Variants in TCF19 observed in about 807,000 individuals in gnomAD.
The protein encoded by TCF19 is transcription factor SC1.
In TCF19, 9 loss-of-function variants were observed where a neutral mutation model predicts 18.3. The observed-to-expected ratio is 0.49, with a 90% CI of 0.30 to 0.86. The LOEUF is 0.86. Ranked by LOEUF, TCF19 falls within the 40% of genes least tolerant of loss-of-function variation. The probability of loss-of-function intolerance (pLI) is 0.07; values close to 1 mark genes in which losing one functional copy is unlikely to be tolerated. For synonymous variants in TCF19, 176 were observed against 185.3 expected, an observed-to-expected ratio of 0.95 and a Z score of 0.41; for missense variants, 376 against 464.3, an observed-to-expected ratio of 0.81 and a Z score of 1.75.
At position 31,162,154 on chromosome 6, in the gene TCF19, G is replaced by A. The variant is rs1776828366; in HGVS notation, c.797+149G>A. ...GCAAGACCTGGGTTAGCTCTGATAGGAAAAGAAAAATATGTGCAGGAGAAC... is the reference window on the plus strand; with the variant it reads ...GCAAGACCTGGGTTAGCTCTGATAGAAAAAGAAAAATATGTGCAGGAGAAC... On this transcript the variant is annotated intron_variant, in intron 3 of 3. Transcript: ENST00000376257. This position sits in a 1 kb window ranked among gnomAD's most constrained non-coding sequence, Gnocchi z 4.5. 20 of 959,160 alleles carry A rather than the reference G, an allele frequency of 2.1e-5. No homozygotes were observed. The highest frequency in any genetic ancestry group is 2.8e-5 in the Non-Finnish European group (19 of 668,714). 59.4% of individuals were successfully genotyped at this position (959,160 alleles called of 1,614,324 possible). A position where few individuals can be genotyped will look rare whatever the true frequency, so the allele number is the denominator to read the frequency against.
In TCF19 at chr6:31,163,210, T is replaced by C. The variant is rs554304388; in HGVS notation, c.*493T>C. The C allele has an allele frequency of 1.0e-6, 1 of 995,686 alleles. No individual in the cohort carries two copies. The highest frequency in any genetic ancestry group is 4.5e-5 in the South Asian group (1 of 22,174). 61.7% of individuals were successfully genotyped at this position (995,686 alleles called of 1,614,324 possible). A position where few individuals can be genotyped will look rare whatever the true frequency, so the allele number is the denominator to read the frequency against. ...TGGCTTTTCACAGCTTTGCTTTTAT[T>C]TCCAAGTCAAGGACAAGCCGCTTCA... On this transcript the variant is annotated 3_prime_UTR_variant, in exon 4 of 4. Coordinates refer to ENST00000376257, the MANE Select transcript of TCF19 (RefSeq NM_007109.3).
chr6:31,161,093 GCA>G (rs1776730861), intron 2 of TCF19, among the ~76,000 whole-genome samples: 1 of 111,312 alleles, frequency 9.0e-6, no homozygotes, highest in African/African-American at 3.4e-5. Context: ...GAGGCGGAGT[GCA>G]GTGAGCTGAG....
chr6:31,163,870 G>T lies in TCF19; in HGVS notation c.*1153G>T. 1 of 985,402 alleles carries T rather than the reference G, an allele frequency of 1.0e-6. No individual in the cohort carries two copies. Among genetic ancestry groups the T allele is most frequent in the Non-Finnish European group, 1.2e-6 (1 of 829,944 alleles). The allele number at this position is 985,402 out of a possible 1,614,324, so 61.0% of individuals were successfully genotyped here. A position where few individuals can be genotyped will look rare whatever the true frequency, so the allele number is the denominator to read the frequency against. ...TGACTCTGGGGCAAAGACCCCTAAT[G>T]AACTAGTGGCAGAGCCAGGAATAAA... On this transcript the variant is annotated 3_prime_UTR_variant, in exon 4 of 4. Coordinates refer to ENST00000376257, the MANE Select transcript of TCF19 (RefSeq NM_007109.3).
In TCF19 at chr6:31,161,642, T is replaced by C; in HGVS notation, c.434T>C (p.Val145Ala). Reference protein sequence around the residue: ...TIPRSRGEARVGAGFRPMLPS... With the variant: ...TIPRSRGEARAGAGFRPMLPS... ...CCACGGTCTAGGGGAGAAGCCCGGG[T>C]TGGGGCTGGTTTCCGGCCTATGCTG... Residue 145 changes from valine (V) to alanine (A), a missense_variant, in exon 3 of 4, where the codon GTT becomes GCT. Coordinates refer to ENST00000376257, the MANE Select transcript of TCF19 (RefSeq NM_007109.3). 6.5e-7 allele frequency: 1 copy of C among 1,531,144 alleles called. No homozygotes were observed. The highest frequency in any genetic ancestry group is 8.8e-7 in the Non-Finnish European group (1 of 1,141,284). 94.8% of individuals were successfully genotyped at this position (1,531,144 alleles called of 1,614,324 possible). A position where few individuals can be genotyped will look rare whatever the true frequency, so the allele number is the denominator to read the frequency against.
chr6:31,161,294 G>A (rs1216678388), intron 2 of TCF19, among the ~76,000 whole-genome samples, 153 bp from the exon 3 acceptor site: 1 of 152,174 alleles, frequency 6.6e-6, no homozygotes. Flanking sequence ...GTACTGCCTG[G>A]TACCTGTCAC....
rs927772098 is a variant in TCF19 at position 31,163,321 on chromosome 6, T to G, written c.*604T>G. On this transcript the variant is annotated 3_prime_UTR_variant, in exon 4 of 4. Coordinates refer to ENST00000376257, the MANE Select transcript of TCF19 (RefSeq NM_007109.3). ...ATGTGCTTGGCAAGGTCTGGAGAAC[T>G]AATTCAGAATCTTAGGGGAAGGGGA... The G allele has an allele frequency of 6.1e-6, 6 of 985,970 alleles. No homozygotes were observed. In the African/African-American group the frequency reaches 1.0e-4, roughly 17 times the overall value. 61.1% of individuals were successfully genotyped at this position (985,970 alleles called of 1,614,324 possible).
chr6:31,160,775 A>AAACC (rs1561843242), intron 2 of TCF19, among the ~76,000 whole-genome samples: 1 of 151,626 alleles, frequency 6.6e-6, no homozygotes, highest in Non-Finnish European at 1.5e-5. Context: ...ACAAACAAAC[A>AAACC]AAAAGCTTGC....
chr6:31,162,803 C>T lies in TCF19; in HGVS notation c.*86C>T, dbSNP rs1265000405. On this transcript the variant is annotated 3_prime_UTR_variant, in exon 4 of 4. Coordinates refer to ENST00000376257, the MANE Select transcript of TCF19 (RefSeq NM_007109.3). This position sits in a 1 kb window ranked among gnomAD's most constrained non-coding sequence, Gnocchi z 4.5. ...ATAGGTCTGATAAATACCCCCCTTC[C>T]CTTCCCTCCCCAGGAGGGAATGACT... 21 of 1,522,880 alleles carry T rather than the reference C, an allele frequency of 1.4e-5. No individual in the cohort carries two copies. Among genetic ancestry groups the T allele is most frequent in the Middle Eastern group, 2.2e-4 (1 of 4,598 alleles). 94.3% of individuals were successfully genotyped at this position (1,522,880 alleles called of 1,614,324 possible). A position where few individuals can be genotyped will look rare whatever the true frequency, so the allele number is the denominator to read the frequency against.
rs1440165003 is a variant in TCF19 at position 31,161,580 on chromosome 6, A to ACGAG, written c.373_376dup (p.Val126AlafsTer16). ...AGTTCTACTTCATGTTCCAACAAGTACGAGTCAAGCCTCAGGACTTTGCTG... is the reference window on the plus strand; with the variant it reads ...AGTTCTACTTCATGTTCCAACAAGTACGAGCGAGTCAAGCCTCAGGACTTTGCTG... On this transcript the variant is annotated frameshift_variant, in exon 3 of 4. Coordinates refer to ENST00000376257, the MANE Select transcript of TCF19 (RefSeq NM_007109.3). LOFTEE classifies it high-confidence loss of function. The ACGAG allele has an allele frequency of 2.5e-6, 4 of 1,596,204 alleles. No homozygotes were observed. Among genetic ancestry groups the ACGAG allele is most frequent in the Non-Finnish European group, 3.4e-6 (4 of 1,172,800 alleles).
In TCF19 at chr6:31,164,128, A is replaced by G; in HGVS notation, c.*1411A>G. The G allele has an allele frequency of 9.4e-7, 1 of 1,068,552 alleles. No homozygotes were observed. The highest frequency in any genetic ancestry group is 1.1e-6 in the Non-Finnish European group (1 of 879,882). The allele number at this position is 1,068,552 out of a possible 1,614,324, so 66.2% of individuals were successfully genotyped here. On this transcript the variant is annotated 3_prime_UTR_variant, in exon 4 of 4. Coordinates refer to ENST00000376257, the MANE Select transcript of TCF19 (RefSeq NM_007109.3). The stretch of plus-strand genomic sequence containing the variant: ...ACAGGTAACAGCTACATGGTGACTG[A>G]GTCTATGGGCAAAAGTTCTTGCATC...
chr6:31,163,978 GCA>G lies in TCF19; in HGVS notation c.*1264_*1265del, dbSNP rs1283282025. 1 of 987,768 alleles carries G rather than the reference GCA, an allele frequency of 1.0e-6. No homozygotes were observed. Among genetic ancestry groups the G allele is most frequent in the African/African-American group, 1.7e-5 (1 of 57,238 alleles). 61.2% of individuals were successfully genotyped at this position (987,768 alleles called of 1,614,324 possible). A position where few individuals can be genotyped will look rare whatever the true frequency, so the allele number is the denominator to read the frequency against. ...CCAAATAGACCCTGGTATCAAGAAA[GCA>G]CAAAGTATTAATAGAAGTTTCTGGT... is the stretch of plus-strand genomic sequence containing the variant. On this transcript the variant is annotated 3_prime_UTR_variant, in exon 4 of 4. Coordinates refer to ENST00000376257, the MANE Select transcript of TCF19 (RefSeq NM_007109.3).
chr6:31,158,816 A>G (rs1776503901), intron 1 of TCF19, 81 bp from the exon 2 acceptor site: 1 of 152,124 alleles, frequency 6.6e-6, no homozygotes, highest in Admixed American at 6.5e-5. Flanking sequence ...TCCCACCTAG[A>G]GAAGCCGGGA....
chr6:31,163,612 G>A lies in TCF19; in HGVS notation c.*895G>A, dbSNP rs189788139. On this transcript the variant is annotated 3_prime_UTR_variant, in exon 4 of 4. Transcript: ENST00000376257. ...TGGCTGTGACACAGCTCCACTCCAC[G>A]GGTGGACACAGCAGAGGGCAACTGG... The A allele has an allele frequency of 7.0e-5, 69 of 985,512 alleles. No homozygotes were observed. In the Admixed American group the frequency reaches 2.3e-3, roughly 32 times the overall value. 61.0% of individuals were successfully genotyped at this position (985,512 alleles called of 1,614,324 possible).
chr6:31,162,252 C>A lies in TCF19; in HGVS notation c.798-225C>A, dbSNP rs1776834970. Among the ~76,000 whole-genome samples, 1 of 152,134 alleles carries A rather than the reference C, an allele frequency of 6.6e-6. No individual in the cohort carries two copies. The highest frequency in any genetic ancestry group is 6.5e-5 in the Admixed American group (1 of 15,280). On this transcript the variant is annotated intron_variant, in intron 3 of 3. Coordinates refer to ENST00000376257, the MANE Select transcript of TCF19 (RefSeq NM_007109.3). The surrounding 1 kb of genome is among the most constrained non-coding windows in gnomAD (Gnocchi z 4.5). The stretch of plus-strand genomic sequence containing the variant: ...TGTCCTGCTTTTTACATTCATATGG[C>A]TTTAACCCCATTCTTCTAGTGCCTA...
At chr6:31,161,381 C>T in intron 2 of TCF19, 66 bp from the exon 3 acceptor site, 11 of 1,244,360 alleles carry the variant, frequency 8.8e-6, no homozygotes, top group Non-Finnish European at 1.2e-5. Flanking sequence ...ACAGATTTCT[C>T]CACTCCTGAC....
In TCF19 at chr6:31,159,623, C is replaced by G. The variant is rs773907126; in HGVS notation, c.154C>G (p.Leu52Val). 3 of 1,613,836 alleles carry G rather than the reference C, an allele frequency of 1.9e-6. No individual in the cohort carries two copies. The highest frequency in any genetic ancestry group is 1.3e-5 in the African/African-American group (1 of 75,066). ...VALRPQQEPG[L>V]ISGIHAELHA... Reference sequence around the variant, plus strand: ...CCTGCGGCCCCAGCAGGAGCCTGGCCTCATCTCTGGGATCCACGCCGAACT... The same window carrying G: ...CCTGCGGCCCCAGCAGGAGCCTGGCGTCATCTCTGGGATCCACGCCGAACT... Residue 52 changes from leucine (L) to valine (V), a missense_variant, in exon 2 of 4, where the codon CTC (leucine) becomes GTC (valine). Physicochemically the swap from Leu to Val is conservative, Grantham distance 32. Coordinates refer to ENST00000376257, the MANE Select transcript of TCF19 (RefSeq NM_007109.3).
At position 31,159,623 on chromosome 6, in the gene TCF19, C is replaced by A. The variant is rs773907126; in HGVS notation, c.154C>A (p.Leu52Ile). Reference sequence around the variant, plus strand: ...CCTGCGGCCCCAGCAGGAGCCTGGCCTCATCTCTGGGATCCACGCCGAACT... The same window carrying A: ...CCTGCGGCCCCAGCAGGAGCCTGGCATCATCTCTGGGATCCACGCCGAACT... ...VALRPQQEPG[L>I]ISGIHAELHA... Residue 52 changes from leucine to isoleucine, a missense_variant, in exon 2 of 4, where the codon CTC (leucine) becomes ATC (isoleucine). Transcript: ENST00000376257. The A allele has an allele frequency of 6.2e-7, 1 of 1,613,836 alleles. No individual in the cohort carries two copies.
intron 2 of TCF19, among the ~76,000 whole-genome samples, chr6:31,160,747 A>G (rs1277717691): frequency 6.6e-6 from 1 of 152,060 alleles, no homozygotes; most frequent in Non-Finnish European, 1.5e-5. Context: ...CGACAGAGCG[A>G]GACTCCATCT....
chr6:31,162,977 A>C lies in TCF19; in HGVS notation c.*260A>C, dbSNP rs1776903480. On this transcript the variant is annotated 3_prime_UTR_variant, in exon 4 of 4. Transcript: ENST00000376257. The surrounding 1 kb of genome is among the most constrained non-coding windows in gnomAD (Gnocchi z 4.5). ...GGAAGTTCCCACTATTACAAGCCAT[A>C]AGGCCATGTTGCCATGGACACCAGA... 7.2e-7 allele frequency: 1 copy of C among 1,381,954 alleles called. No homozygotes were observed. Among genetic ancestry groups the C allele is most frequent in the African/African-American group, 1.5e-5 (1 of 68,946 alleles). The allele number at this position is 1,381,954 out of a possible 1,614,324, so 85.6% of individuals were successfully genotyped here.
Sources: gnomAD v4.1 joint callset for allele counts (sites outside exome capture counted in the v4.1 genomes callset) on GRCh38, gnomAD v4.1.1 for gene constraint, Gnocchi (gnomAD v3.1) non-coding constraint, MANE v1.5 for transcripts, NCBI Gene and HGNC (gene_info 2026-07-23, HGNC 2026-07-21) for gene names.